Variants in MMS19 observed in about 807,000 individuals in gnomAD.
MMS19 encodes MMS19 nucleotide excision repair protein homolog.
A neutral mutation model predicts 129.8 loss-of-function variants in MMS19; 77 were observed. The observed-to-expected ratio is 0.59, with a 90% CI of 0.49 to 0.72. The LOEUF (loss-of-function observed/expected upper bound fraction) is 0.72, where lower values mean the gene tolerates loss of function less well. MMS19 is among the 30% of genes least tolerant of loss of function. MMS19 has a pLI of 0.00. For missense variants in MMS19, 1,168 were observed against 1,266.3 expected, an observed-to-expected ratio of 0.92 and a Z score of 1.18; for synonymous variants, 491 against 502.8, an observed-to-expected ratio of 0.98 and a Z score of 0.31.
intron 1 of MMS19, among the ~76,000 whole-genome samples, chr10:97,497,906 T>C (rs1488711654): frequency 6.6e-6 from 1 of 152,146 alleles, no homozygotes; most frequent in Non-Finnish European, 1.5e-5. Flanking sequence ...ACAAACAGCA[T>C]GGCTTCGTGG....
At chr10:97,480,290 C>T (rs1306360828) in intron 3 of MMS19, 3 of 463,886 alleles carry the variant, frequency 6.5e-6, no homozygotes, top group Non-Finnish European at 1.3e-5. Flanking sequence ...CTTTGGAGCC[C>T]CGCTCTGTCT....
intron 8 of MMS19, among the ~76,000 whole-genome samples, chr10:97,472,874 C>A (rs939732008): frequency 6.6e-6 from 1 of 151,456 alleles, no homozygotes; most frequent in Non-Finnish European, 1.5e-5. Flanking sequence ...CCCAAAGTAG[C>A]GGGATTACAA....
intron 8 of MMS19, among the ~76,000 whole-genome samples, chr10:97,471,505 CTAT>C (rs888896215): frequency 1.3e-5 from 2 of 151,878 alleles, no homozygotes; most frequent in African/African-American, 4.8e-5. Context: ...AAGGGATTTA[CTAT>C]TATTATTATT....
At chr10:97,476,612 G>A (rs1032410244) in intron 8 of MMS19, 71 bp downstream of exon 8, 1 of 1,457,502 alleles carries the variant, frequency 6.9e-7, no homozygotes, top group Non-Finnish European at 9.5e-7. Flanking sequence ...TACCCTCAGT[G>A]CCCAGAACAG....
Position 97,461,867 on chromosome 10 carries a change from A to T in MMS19, c.2145T>A (p.Ile715=). ...QDGSSGQRRL[I]ALLMAFVCSL... ...AGCAGACAAAGGCCATAAGCAGTGC[A>T]ATCAGCCGCCTCTGCCCTGAGGAGC... Residue 715 remains isoleucine (I), a synonymous_variant, in exon 22 of 31, where the codon ATT becomes ATA. Transcript: ENST00000438925. 6.2e-7 allele frequency: 1 copy of T among 1,608,714 alleles called. No homozygotes were observed. Among genetic ancestry groups the T allele is most frequent in the South Asian group, 1.1e-5 (1 of 89,790 alleles).
intron 15 of MMS19, 44 bp downstream of exon 15, chr10:97,466,729 CAAG>C (rs1564634764): frequency 1.2e-6 from 2 of 1,613,506 alleles, no homozygotes; most frequent in Non-Finnish European, 8.5e-7. Context: ...GGCAGTCTTA[CAAG>C]AAAAGGACCA....
intron 1 of MMS19, among the ~76,000 whole-genome samples, chr10:97,491,034 A>G (rs2038779955): frequency 6.6e-6 from 1 of 152,226 alleles, no homozygotes; most frequent in African/African-American, 2.4e-5. Context: ...CTGGGTTACG[A>G]ACCACAAAAG....
chr10:97,495,893 A>C (rs1003508894), intron 1 of MMS19, among the ~76,000 whole-genome samples: 49 of 152,214 alleles, frequency 3.2e-4, no homozygotes, highest in Non-Finnish European at 1.2e-4. Flanking sequence ...GCGATTCTCC[A>C]GCCTCAGCCT....
In MMS19 at chr10:97,480,975, G is replaced by A. The variant is rs762933801; in HGVS notation, c.229C>T (p.Leu77Phe). 8.1e-6 allele frequency: 13 copies of A among 1,609,780 alleles called. No individual in the cohort carries two copies. The highest frequency in any genetic ancestry group is 1.3e-5 in the African/African-American group (1 of 74,872). The change falls in exon 3 of 31, where the codon CTC (leucine) becomes TTC (phenylalanine). Residue 77 changes from leucine (L) to phenylalanine (F), a missense_variant. By Grantham distance (22) the Leu-to-Phe change is conservative. Around this residue, in one of 3 missense-constraint regions of MMS19, gnomAD observed 329 missense variants for 328.6 expected, o/e 1.00. Transcript: ENST00000438925. ...RAIQLLSQVLLHCHTLLLEKE... is the reference protein window; with the variant it reads ...RAIQLLSQVLFHCHTLLLEKE... ...TCCAGGAGCAAGGTGTGACAGTGGA[G>A]TAGCACCTGTGACAAAAGCTGGATT...
At chr10:97,464,257 A>AT (rs1383625420) in intron 18 of MMS19, among the ~76,000 whole-genome samples, 1 of 152,182 alleles carries the variant, frequency 6.6e-6, no homozygotes, top group Non-Finnish European at 1.5e-5. Context: ...CTTATTTTTC[A>AT]TAACAACCTT....
chr10:97,480,275 C>T (rs762081884), intron 3 of MMS19: 2 of 463,698 alleles, frequency 4.3e-6, no homozygotes, highest in African/African-American at 4.0e-5. Flanking sequence ...AGTTCCCTCT[C>T]TTGGCTTTGG....
chr10:97,464,722 C>T (rs936432492), intron 18 of MMS19, among the ~76,000 whole-genome samples: 24 of 148,506 alleles, frequency 1.6e-4, no homozygotes, highest in East Asian at 2.0e-4. Flanking sequence ...GACAGGGCTT[C>T]ACTCCTGTTG....
intron 1 of MMS19, among the ~76,000 whole-genome samples, chr10:97,497,374 T>C (rs2039993248): frequency 1.3e-5 from 2 of 152,194 alleles, no homozygotes; most frequent in African/African-American, 4.8e-5. Context: ...GTTAATACGC[T>C]CAATATCCAA....
At chr10:97,467,629 A>T (rs774761209) in intron 13 of MMS19, 46 bp from the exon 14 acceptor site, 1 of 1,561,590 alleles carries the variant, frequency 6.4e-7, no homozygotes, top group Admixed American at 1.7e-5. Flanking sequence ...ATTTTAAAGG[A>T]TTTCAATCCT....
In MMS19 at chr10:97,459,210, C is replaced by T. The variant is rs1166728957; in HGVS notation, c.2964+13G>A. 1.2e-6 allele frequency: 2 copies of T among 1,608,986 alleles called. No individual in the cohort carries two copies. Among genetic ancestry groups the T allele is most frequent in the Admixed American group, 1.7e-5 (1 of 59,670 alleles). ...ATGTTCCCAGGCCAGGGAAGGACAC[C>T]TGAGGTACTTACCACAGGGGTGGGC... is the stretch of plus-strand genomic sequence containing the variant. On this transcript the variant is annotated intron_variant, in intron 29 of 30. Coordinates refer to ENST00000438925, the MANE Select transcript of MMS19 (RefSeq NM_022362.5).
intron 1 of MMS19, among the ~76,000 whole-genome samples, chr10:97,492,982 A>G (rs1261005278): frequency 1.3e-5 from 2 of 151,996 alleles, no homozygotes; most frequent in Non-Finnish European, 1.5e-5. Flanking sequence ...GGAAGTCCAT[A>G]GTCTGTTGGA....
chr10:97,463,596 A>G (rs2032647393), intron 19 of MMS19, among the ~76,000 whole-genome samples: 1 of 152,240 alleles, frequency 6.6e-6, no homozygotes, highest in Non-Finnish European at 1.5e-5. Flanking sequence ...GTCCAATTCT[A>G]AGTAAACTAA....
chr10:97,458,481 C>G lies in MMS19; in HGVS notation c.*211G>C. The G allele has an allele frequency of 1.7e-6, 1 of 574,008 alleles. No homozygotes were observed. The highest frequency in any genetic ancestry group is 3.1e-6 in the Non-Finnish European group (1 of 327,728). 35.6% of individuals were successfully genotyped at this position (574,008 alleles called of 1,614,324 possible). ...AGGACCCTAGATCTTTCTTCAAACG[C>G]AAGTGTCTCACACACACTTATTTTA... On this transcript the variant is annotated 3_prime_UTR_variant, in exon 31 of 31. Coordinates refer to ENST00000438925, the MANE Select transcript of MMS19 (RefSeq NM_022362.5).
intron 3 of MMS19, chr10:97,480,262 C>T (rs566199784): frequency 1.1e-5 from 5 of 439,604 alleles, no homozygotes; most frequent in African/African-American, 4.0e-5. Context: ...CTGTGGCAGG[C>T]GGAGTTCCCT....
Sources: gnomAD v4.1 joint callset for allele counts (sites outside exome capture counted in the v4.1 genomes callset) on GRCh38, gnomAD v4.1.1 for gene constraint, gnomAD v4.1.1 regional missense constraint, MANE v1.5 for transcripts, NCBI Gene and HGNC (gene_info 2026-07-23, HGNC 2026-07-21) for gene names.